The following DTNBP1 variants were observed in gnomAD, a reference collection of about 807,000 sequenced individuals.
DTNBP1 encodes the protein dystrobrevin binding protein 1.
In DTNBP1, 35 loss-of-function variants were observed where a neutral mutation model predicts 42.8. The ratio of observed to expected loss-of-function variants is 0.82; its 90% CI spans 0.63 to 1.09. DTNBP1 has a LOEUF of 1.09. Ranked by LOEUF, DTNBP1 falls within the 50% of genes least tolerant of loss-of-function variation. The pLI is 0.00. For missense variants in DTNBP1, 457 were observed against 424.2 expected (o/e 1.08, Z -0.68); for synonymous variants, 171 against 162.2 (o/e 1.05, Z -0.41).
intron 8 of DTNBP1, among the ~76,000 whole-genome samples, chr6:15,524,885 A>C (rs1772258564): frequency 6.6e-6 from 1 of 151,992 alleles, no homozygotes. Context: ...ACACTTCCTT[A>C]ATCTGTTCAT....
intron 3 of DTNBP1, among the ~76,000 whole-genome samples, chr6:15,644,476 T>C (rs1365685464): frequency 6.6e-6 from 1 of 152,148 alleles, no homozygotes; most frequent in Non-Finnish European, 1.5e-5. Flanking sequence ...CCACAGAATA[T>C]ACATTCTTCT....
At chr6:15,651,451 CA>C (rs1562014439) in intron 2 of DTNBP1, 88 bp from the exon 3 acceptor site, 1 of 1,510,136 alleles carries the variant, frequency 6.6e-7, no homozygotes, top group Non-Finnish European at 9.1e-7. Context: ...TTGACATTGT[CA>C]ATTGTAATAT....
At chr6:15,536,591 T>C (rs947293759) in intron 7 of DTNBP1, among the ~76,000 whole-genome samples, 4 of 152,214 alleles carry the variant, frequency 2.6e-5, no homozygotes, top group Admixed American at 1.3e-4. Flanking sequence ...CCAGGATGTA[T>C]GGAAATGCCT....
At chr6:15,563,872 G>A (rs1462049299) in intron 7 of DTNBP1, among the ~76,000 whole-genome samples, 2 of 152,066 alleles carry the variant, frequency 1.3e-5, no homozygotes, top group South Asian at 4.2e-4. Context: ...TCAGGAGTTC[G>A]AGACCAGCCT....
Position 15,638,879 on chromosome 6 carries a change from G to A in DTNBP1, c.162-1075C>T, listed in dbSNP as rs558230051. Among the ~76,000 whole-genome samples, 227 of 146,454 alleles carry A rather than the reference G, an allele frequency of 1.5e-3. 4 individuals carry two copies. The highest frequency in any genetic ancestry group is 7.2e-3 in the Admixed American group (104 of 14,472). The stretch of plus-strand genomic sequence containing the variant: ...TTGAGACAGGGTCTCACTCTGTCAC[G>A]CGGGCTGGAGTGGTGTGATCACAGC... On this transcript the variant is annotated intron_variant, in intron 3 of 9. Transcript: ENST00000344537.
intron 7 of DTNBP1, among the ~76,000 whole-genome samples, chr6:15,541,482 A>G (rs1773557770): frequency 6.6e-6 from 1 of 152,260 alleles, no homozygotes; most frequent in Non-Finnish European, 1.5e-5. Context: ...GGAAAGCCAG[A>G]CAAATACAAA....
At chr6:15,527,954 G>C (rs919694499) in intron 8 of DTNBP1, among the ~76,000 whole-genome samples, 16 of 152,122 alleles carry the variant, frequency 1.1e-4, no homozygotes, top group African/African-American at 3.9e-4. Flanking sequence ...TCTTCAAATA[G>C]AGTAGTCACT....
chr6:15,607,305 T>C (rs147832338), intron 6 of DTNBP1, among the ~76,000 whole-genome samples: 1 of 151,134 alleles, frequency 6.6e-6, no homozygotes. Flanking sequence ...GGCCAAAATA[T>C]TTCTTTGTTT....
intron 3 of DTNBP1, among the ~76,000 whole-genome samples, chr6:15,648,211 C>G (rs1167299637): frequency 6.6e-6 from 1 of 151,970 alleles, no homozygotes; most frequent in East Asian, 1.9e-4. Flanking sequence ...ATTCAACATC[C>G]TTTCATGATA....
chr6:15,590,797 G>A (rs1776268066), intron 7 of DTNBP1, among the ~76,000 whole-genome samples: 1 of 152,178 alleles, frequency 6.6e-6, no homozygotes, highest in South Asian at 2.1e-4. Context: ...CCTCAATGGA[G>A]TATTAGAAGG....
At chr6:15,618,518 TACCCCCTA>T (rs1049586779) in intron 5 of DTNBP1, among the ~76,000 whole-genome samples, 2 of 149,464 alleles carry the variant, frequency 1.3e-5, no homozygotes, top group African/African-American at 4.9e-5. Flanking sequence ...TGTACCCCCT[TACCCCCTA>T]AAACTAAAAA....
rs533177110 is a variant in DTNBP1, at chr6:15,618,274, T to G, written c.356-2875A>C. Reference sequence around the variant, plus strand: ...ATGGAAAAATGTTCAACATCACTAATTATAAAGGAAATACAAATCGAAACC... The same window carrying G: ...ATGGAAAAATGTTCAACATCACTAAGTATAAAGGAAATACAAATCGAAACC... On this transcript the variant is annotated intron_variant, in intron 5 of 9. Coordinates refer to ENST00000344537, the MANE Select transcript of DTNBP1 (RefSeq NM_032122.5). 3.3e-5 allele frequency among the ~76,000 whole-genome samples: 5 copies of G among 152,168 alleles called. No homozygotes were observed. In the South Asian group the frequency reaches 1.0e-3, roughly 32 times the overall value.
intron 7 of DTNBP1, among the ~76,000 whole-genome samples, chr6:15,563,838 G>A (rs1042262489): frequency 6.6e-6 from 1 of 152,122 alleles, no homozygotes; most frequent in African/African-American, 2.4e-5. Context: ...CTGGGCCGAG[G>A]TTCCCGCGGT....
intron 7 of DTNBP1, among the ~76,000 whole-genome samples, chr6:15,534,062 G>A (rs987950532): frequency 1.3e-5 from 2 of 152,220 alleles, no homozygotes; most frequent in Admixed American, 6.5e-5. Flanking sequence ...GGCAAATGCT[G>A]TGTGCTTCCA....
At chr6:15,564,714 A>C (rs1581329521) in intron 7 of DTNBP1, among the ~76,000 whole-genome samples, 1 of 152,198 alleles carries the variant, frequency 6.6e-6, no homozygotes, top group Non-Finnish European at 1.5e-5. Flanking sequence ...CAGCCTAAGA[A>C]ATAGGCAAAA....
At chr6:15,599,585 T>C (rs751246908) in intron 6 of DTNBP1, among the ~76,000 whole-genome samples, 1 of 152,180 alleles carries the variant, frequency 6.6e-6, no homozygotes, top group Non-Finnish European at 1.5e-5. Flanking sequence ...CATCTGGGTC[T>C]ACCTAGCTTG....
intron 7 of DTNBP1, among the ~76,000 whole-genome samples, chr6:15,564,962 T>C (rs1238080075): frequency 6.6e-6 from 1 of 152,112 alleles, no homozygotes; most frequent in Non-Finnish European, 1.5e-5. Context: ...CAAAATTAGC[T>C]GGGCATGGTT....
intron 5 of DTNBP1, among the ~76,000 whole-genome samples, chr6:15,619,067 G>A (rs1001175274): frequency 3.3e-5 from 5 of 152,318 alleles, no homozygotes; most frequent in Admixed American, 6.5e-5. Context: ...GTTTACTAGA[G>A]GCTGCTGGGG....
intron 7 of DTNBP1, among the ~76,000 whole-genome samples, chr6:15,574,300 T>C (rs1180216126): frequency 6.6e-6 from 1 of 152,150 alleles, no homozygotes; most frequent in African/African-American, 2.4e-5. Context: ...CTCACATCCT[T>C]AGCATGGGGC....
Sources: allele counts gnomAD v4.1 joint callset (sites outside exome capture counted in the v4.1 genomes callset), GRCh38; gene constraint gnomAD v4.1.1; transcripts MANE v1.5; gene names NCBI Gene and HGNC (gene_info 2026-07-23, HGNC 2026-07-21).